Variants in NUDCD3 observed in about 807,000 individuals in gnomAD.
The protein encoded by NUDCD3 is NudC domain containing 3, also known as nudC domain-containing protein 3.
Under a neutral mutation model 39.7 loss-of-function variants are expected in NUDCD3, and 13 were observed. That is an observed-to-expected ratio of 0.33 (90% CI 0.21 to 0.52). The LOEUF is 0.52. Among genes scored for constraint, NUDCD3 ranks in the 20% least tolerant of loss-of-function variants. NUDCD3 has a pLI of 0.96. For synonymous variants in NUDCD3, 175 were observed against 172.4 expected, an observed-to-expected ratio of 1.02 and a Z score of -0.12; for missense variants, 453 against 458.1, an observed-to-expected ratio of 0.99 and a Z score of 0.10.
At chr7:44,417,586 A>G (rs1799052818) in intron 3 of NUDCD3, among the ~76,000 whole-genome samples, 1 of 152,230 alleles carries the variant, frequency 6.6e-6, no homozygotes, top group South Asian at 2.1e-4. Flanking sequence ...TTTTTAGCCA[A>G]GTGAATGAAG....
chr7:44,479,024 C>A (rs1176642565), intron 2 of NUDCD3, among the ~76,000 whole-genome samples: 2 of 152,204 alleles, frequency 1.3e-5, no homozygotes, highest in Non-Finnish European at 2.9e-5. Context: ...GTAAACACAT[C>A]CTTCTTCACA....
chr7:44,476,040 G>A (rs1003141304), intron 2 of NUDCD3, among the ~76,000 whole-genome samples: 3 of 152,102 alleles, frequency 2.0e-5, no homozygotes, highest in Non-Finnish European at 2.9e-5. Context: ...CACAGTCTAC[G>A]GGGTTGGGTA....
chr7:44,435,646 T>A (rs1225466696), intron 2 of NUDCD3, among the ~76,000 whole-genome samples: 1 of 152,150 alleles, frequency 6.6e-6, no homozygotes, highest in Non-Finnish European at 1.5e-5. Flanking sequence ...TAAAACACAA[T>A]GAGAACATCA....
chr7:44,425,394 T>C (rs1035940804), intron 3 of NUDCD3, among the ~76,000 whole-genome samples: 1 of 152,202 alleles, frequency 6.6e-6, no homozygotes, highest in African/African-American at 2.4e-5. Flanking sequence ...GAAGGAAACA[T>C]GGATACAGTT....
chr7:44,409,622 G>A lies in NUDCD3; in HGVS notation c.643-5039C>T, dbSNP rs531178158. On this transcript the variant is annotated intron_variant, in intron 3 of 5. Transcript: ENST00000355451. ...AAGTATGGCCCATACATAGGAAAAA[G>A]AAAGCAATCAATAAAATCTGTCCCT... Among the ~76,000 whole-genome samples, 7 of 150,158 alleles carry A rather than the reference G, an allele frequency of 4.7e-5. No individual in the cohort carries two copies. The East Asian group carries it at 1.4e-3, about 29-fold the overall frequency.
intron 5 of NUDCD3, among the ~76,000 whole-genome samples, chr7:44,387,494 T>A (rs1459431619): frequency 1.3e-5 from 2 of 152,232 alleles, no homozygotes; most frequent in Non-Finnish European, 2.9e-5. Context: ...ATGGAGTGGC[T>A]GTGGGTGCAG....
chr7:44,415,101 T>G (rs1798995839), intron 3 of NUDCD3, among the ~76,000 whole-genome samples: 1 of 152,168 alleles, frequency 6.6e-6, no homozygotes, highest in Non-Finnish European at 1.5e-5. Flanking sequence ...AGGGTGGAGG[T>G]GACGGGACCT....
At position 44,423,930 on chromosome 7, in the gene NUDCD3, C is replaced by T. The variant is rs183937151; in HGVS notation, c.642+3641G>A. Among the ~76,000 whole-genome samples, 11 of 152,166 alleles carry T rather than the reference C, an allele frequency of 7.2e-5. No individual in the cohort carries two copies. In the East Asian group the frequency reaches 1.4e-3, roughly 19 times the overall value. On this transcript the variant is annotated intron_variant, in intron 3 of 5. Coordinates refer to ENST00000355451, the MANE Select transcript of NUDCD3 (RefSeq NM_015332.4). Reference sequence around the variant, plus strand: ...TACAATAACCAAAACGGCATAGTACCGGTACCAAAAGAGATATATAAACCA... The same window carrying T: ...TACAATAACCAAAACGGCATAGTACTGGTACCAAAAGAGATATATAAACCA...
In NUDCD3 at chr7:44,390,648, C is replaced by T. The variant is rs191313873; in HGVS notation, c.975+1649G>A. ...TCCAGTCAAAACAGACTCTTTCTCCCGAAGGTCAACTCATGAATACATCTC... is the reference window on the plus strand; with the variant it reads ...TCCAGTCAAAACAGACTCTTTCTCCTGAAGGTCAACTCATGAATACATCTC... On this transcript the variant is annotated intron_variant, in intron 5 of 5. Coordinates refer to ENST00000355451, the MANE Select transcript of NUDCD3 (RefSeq NM_015332.4). 2.0e-5 allele frequency among the ~76,000 whole-genome samples: 3 copies of T among 152,266 alleles called. No homozygotes were observed. The East Asian group carries it at 5.8e-4, about 29-fold the overall frequency.
chr7:44,390,973 G>C (rs1022806126), intron 5 of NUDCD3, among the ~76,000 whole-genome samples: 5 of 152,158 alleles, frequency 3.3e-5, no homozygotes, highest in African/African-American at 1.2e-4. Flanking sequence ...CCATGCCCCG[G>C]GTGGAAAAGG....
chr7:44,460,879 C>G (rs1395580459), intron 2 of NUDCD3, among the ~76,000 whole-genome samples: 1 of 152,188 alleles, frequency 6.6e-6, no homozygotes, highest in African/African-American at 2.4e-5. Context: ...TTGGCAAAAA[C>G]GCTTTTTTGC....
At position 44,404,530 on chromosome 7, in the gene NUDCD3, A is replaced by C; in HGVS notation, c.696T>G (p.Asn232Lys). ...TCCCTTCCATGAGGACGCGCTCCCC[A>C]TTTTCCTCCAGCATGGCCACACGAA... ...SSIRVAMLEE[N>K]GERVLMEGKL... The change falls in exon 4 of 6, where the codon AAT (asparagine) becomes AAG (lysine). Residue 232 changes from asparagine to lysine, a missense_variant. Transcript: ENST00000355451. 1 of 1,613,904 alleles carries C rather than the reference A, an allele frequency of 6.2e-7. No homozygotes were observed. Among genetic ancestry groups the C allele is most frequent in the African/African-American group, 1.3e-5 (1 of 74,946 alleles).
intron 3 of NUDCD3, chr7:44,426,376 G>C (rs2116900373): frequency 6.5e-6 from 1 of 154,596 alleles, no homozygotes; most frequent in East Asian, 1.9e-4. Context: ...GACACCAGGT[G>C]GCTGGCCCCG....
chr7:44,411,086 T>C (rs1798914731), intron 3 of NUDCD3, among the ~76,000 whole-genome samples: 1 of 152,224 alleles, frequency 6.6e-6, no homozygotes, highest in South Asian at 2.1e-4. Context: ...GAACTGAGTA[T>C]TCACATGCAA....
At chr7:44,423,658 G>GA (rs996012369) in intron 3 of NUDCD3, among the ~76,000 whole-genome samples, 9 of 151,838 alleles carry the variant, frequency 5.9e-5, no homozygotes, top group African/African-American at 9.7e-5. Flanking sequence ...CAAACAAATG[G>GA]AAAAAAAATC....
intron 5 of NUDCD3, among the ~76,000 whole-genome samples, chr7:44,391,686 C>T (rs771798767): frequency 4.2e-4 from 64 of 152,294 alleles, no homozygotes; most frequent in Middle Eastern, 3.4e-3. Context: ...CTGAGGAAAG[C>T]AACCCTTTTT....
At chr7:44,386,798 A>T (rs1016344768) in intron 5 of NUDCD3, among the ~76,000 whole-genome samples, 4 of 152,168 alleles carry the variant, frequency 2.6e-5, no homozygotes, top group African/African-American at 4.8e-5. Flanking sequence ...GCCTCCAAGG[A>T]TCAGAAGCAA....
chr7:44,392,507 A>G, intron 4 of NUDCD3, 22 bp from the exon 5 acceptor site: 1 of 1,609,994 alleles, frequency 6.2e-7, no homozygotes, highest in South Asian at 1.1e-5. Flanking sequence ...CAGGACAGAG[A>G]CCTGAGTCAG....
chr7:44,413,301 T>G (rs568686577), intron 3 of NUDCD3: 15 of 152,116 alleles, frequency 9.9e-5, no homozygotes, highest in Non-Finnish European at 1.9e-4. Flanking sequence ...AAAAAAATTT[T>G]TAATTAATTG....
Sources: gnomAD v4.1 joint callset for allele counts (sites outside exome capture counted in the v4.1 genomes callset) on GRCh38, gnomAD v4.1.1 for gene constraint, MANE v1.5 for transcripts, NCBI Gene and HGNC (gene_info 2026-07-23, HGNC 2026-07-21) for gene names.